Variants in CNTNAP2 observed in about 807,000 individuals in gnomAD.
CNTNAP2 encodes the protein contactin associated protein 2.
CNTNAP2 carries 98 observed loss-of-function variants against 155.2 expected under a neutral mutation model. That is an observed-to-expected ratio of 0.63 (90% CI 0.54 to 0.75). CNTNAP2 has a LOEUF of 0.75. Ranked by LOEUF, CNTNAP2 falls within the 30% of genes least tolerant of loss-of-function variation. CNTNAP2 has a pLI of 0.00. For synonymous variants in CNTNAP2, 651 were observed against 631.2 expected (o/e 1.03, Z -0.47); for missense variants, 1,727 against 1,688.1 (o/e 1.02, Z -0.40).
At chr7:146,571,801 G>A (rs533875279) in intron 1 of CNTNAP2, among the ~76,000 whole-genome samples, 198 of 150,604 alleles carry the variant, frequency 1.3e-3, no homozygotes, top group Non-Finnish European at 2.3e-3. Flanking sequence ...GCATGACCTC[G>A]GCTCACTGCA....
intron 6 of CNTNAP2, among the ~76,000 whole-genome samples, chr7:147,125,864 C>T (rs1488100895): frequency 6.6e-6 from 1 of 152,160 alleles, no homozygotes; most frequent in East Asian, 1.9e-4. Context: ...TTAATGGATG[C>T]ACGTTTATTC....
At chr7:148,269,990 A>G (rs10464458) in intron 21 of CNTNAP2, among the ~76,000 whole-genome samples, 55,713 of 152,096 alleles carry the variant, frequency 0.37, 11,697 homozygotes, top group East Asian at 0.6. Context: ...CCCGAAAATA[A>G]TAGACTTTTT....
At chr7:148,330,268 A>AG (rs1797965268) in intron 21 of CNTNAP2, among the ~76,000 whole-genome samples, 2 of 151,054 alleles carry the variant, frequency 1.3e-5, no homozygotes, top group African/African-American at 4.9e-5. Flanking sequence ...GGACGGATGG[A>AG]TGTAATGGAT....
At chr7:147,822,462 C>T (rs1798377014) in intron 13 of CNTNAP2, among the ~76,000 whole-genome samples, 1 of 152,120 alleles carries the variant, frequency 6.6e-6, no homozygotes, top group African/African-American at 2.4e-5. Flanking sequence ...TATAAAATCC[C>T]ACCCTGTTGG....
intron 1 of CNTNAP2, among the ~76,000 whole-genome samples, chr7:146,340,125 C>T (rs1435759514): frequency 2.1e-5 from 3 of 143,306 alleles, no homozygotes; most frequent in African/African-American, 7.9e-5. Context: ...GCGGAGATCG[C>T]GCCACTGCAC....
chr7:147,405,446 C>G lies in CNTNAP2; in HGVS notation c.1670+9666C>G, dbSNP rs1287683392. Among the ~76,000 whole-genome samples, 6 of 152,240 alleles carry G rather than the reference C, an allele frequency of 3.9e-5. No homozygotes were observed. In the East Asian group the frequency reaches 1.2e-3, roughly 29 times the overall value. On this transcript the variant is annotated intron_variant, in intron 10 of 23. Transcript: ENST00000361727. ...AAGATTACAGACTCATGGACATGTA[C>G]CATTCTTTTTGTAAAATATTGGGAC...
chr7:146,927,792 T>C (rs77766566), intron 3 of CNTNAP2, among the ~76,000 whole-genome samples: 2,994 of 151,994 alleles, frequency 0.02, 101 homozygotes, highest in African/African-American at 0.068. Flanking sequence ...TGTGTGTATG[T>C]ATACATGTAT....
At chr7:147,728,317 G>A (rs186527661) in intron 13 of CNTNAP2, among the ~76,000 whole-genome samples, 3 of 152,134 alleles carry the variant, frequency 2.0e-5, no homozygotes, top group Admixed American at 6.5e-5. Flanking sequence ...AGCGAAGTTC[G>A]GAAGTTGTCA....
At chr7:148,396,973 G>A (rs961501572) in intron 22 of CNTNAP2, among the ~76,000 whole-genome samples, 4 of 152,116 alleles carry the variant, frequency 2.6e-5, no homozygotes, top group East Asian at 1.9e-4. Context: ...AATCATTGAC[G>A]GGAATTTTAA....
chr7:148,082,693 G>A lies in CNTNAP2; in HGVS notation c.2384-35425G>A, dbSNP rs143404338. Among the ~76,000 whole-genome samples, 607 of 151,572 alleles carry A rather than the reference G, an allele frequency of 4.0e-3. 1 individual carries two copies. The highest frequency in any genetic ancestry group is 0.014 in the African/African-American group (582 of 41,378). ...TTTGAGATTTTCTTTCTTTTTTTTT[G>A]TTTTGTGACAGAGTCTCACTCTGTC... On this transcript the variant is annotated intron_variant, in intron 15 of 23. Transcript: ENST00000361727.
chr7:146,443,316 C>T (rs1247120166), intron 1 of CNTNAP2, among the ~76,000 whole-genome samples: 2 of 152,012 alleles, frequency 1.3e-5, no homozygotes, highest in African/African-American at 2.4e-5. Flanking sequence ...AATAATTATA[C>T]TTTACGACCA....
rs2116573016 is a variant in CNTNAP2 at position 148,336,898 on chromosome 7, A to G, written c.3476-46751A>G. Among the ~76,000 whole-genome samples, 3 of 152,312 alleles carry G rather than the reference A, an allele frequency of 2.0e-5. No individual in the cohort carries two copies. The South Asian group carries it at 6.2e-4, about 32-fold the overall frequency. On this transcript the variant is annotated intron_variant, in intron 21 of 23. Transcript: ENST00000361727. ...CATTCTTTGCTAAAATATCCATTGC[A>G]TTTGCTAACTGTGAAACGATGGGTA...
chr7:147,187,521 A>T (rs764181666), intron 8 of CNTNAP2, among the ~76,000 whole-genome samples: 32 of 152,122 alleles, frequency 2.1e-4, no homozygotes, highest in Non-Finnish European at 4.3e-4. Context: ...ACAGAAAACC[A>T]AATACTACAT....
intron 2 of CNTNAP2, among the ~76,000 whole-genome samples, chr7:146,816,737 C>T (rs1481658350): frequency 6.6e-6 from 1 of 152,148 alleles, no homozygotes; most frequent in African/African-American, 2.4e-5. Context: ...GGCAGTAAAG[C>T]ACGGTGGTTA....
chr7:148,151,597 G>A (rs1350451492), intron 17 of CNTNAP2, among the ~76,000 whole-genome samples: 1 of 152,170 alleles, frequency 6.6e-6, no homozygotes, highest in Non-Finnish European at 1.5e-5. Flanking sequence ...TGCCCAGCAG[G>A]TCCATTCTCA....
rs145283221 is a variant in CNTNAP2, at chr7:146,595,332, T to C, written c.98-178939T>C. 4.1e-3 allele frequency among the ~76,000 whole-genome samples: 622 copies of C among 152,194 alleles called. 5 individuals are homozygous for C. Among genetic ancestry groups the C allele is most frequent in the African/African-American group, 0.014 (593 of 41,532 alleles). The stretch of plus-strand genomic sequence containing the variant: ...TCAAATCATCCTCCAAAGATACTAA[T>C]AATCTAGTTATTGAGTTATATAAAT... On this transcript the variant is annotated intron_variant, in intron 1 of 23. Transcript: ENST00000361727.
At chr7:146,217,439 G>T (rs1343823680) in intron 1 of CNTNAP2, among the ~76,000 whole-genome samples, 1 of 152,118 alleles carries the variant, frequency 6.6e-6, no homozygotes, top group African/African-American at 2.4e-5. Context: ...TGTCACAGGG[G>T]TTTGGTATAC....
At chr7:147,730,521 T>C (rs1796720735) in intron 13 of CNTNAP2, among the ~76,000 whole-genome samples, 1 of 152,068 alleles carries the variant, frequency 6.6e-6, no homozygotes, top group African/African-American at 2.4e-5. Context: ...ACTCTGCCCG[T>C]ACAAGACAAT....
rs1387331747 is a variant in CNTNAP2, at chr7:148,420,202, T to A, written c.*4586T>A. On this transcript the variant is annotated 3_prime_UTR_variant, in exon 24 of 24. Transcript: ENST00000361727. ...AGAAAGCCCTAAATTCCCACCTGAA[T>A]GTAACTTACAGCTCCCTTACCTACT... The A allele has an allele frequency of 6.6e-6, 1 of 152,168 alleles. No individual in the cohort carries two copies. The allele number at this position is 152,168 out of a possible 1,614,324, so 9.4% of individuals were successfully genotyped here. A position where few individuals can be genotyped will look rare whatever the true frequency, so the allele number is the denominator to read the frequency against.
Sources: gnomAD v4.1 joint callset for allele counts (sites outside exome capture counted in the v4.1 genomes callset) on GRCh38, gnomAD v4.1.1 for gene constraint, MANE v1.5 for transcripts, NCBI Gene and HGNC (gene_info 2026-07-23, HGNC 2026-07-21) for gene names.